FAM107A: variants seen among roughly 807,000 people sequenced by gnomAD.
The protein encoded by FAM107A is actin-associated protein FAM107A.
Under a neutral mutation model 13.7 loss-of-function variants are expected in FAM107A, and 19 were observed. That is an observed-to-expected ratio of 1.38 (90% CI 0.97 to 2.03). The LOEUF is 2.03. Ranked by LOEUF, FAM107A falls within the 30% of genes most tolerant of loss-of-function variation. FAM107A has a pLI of 0.00. For synonymous variants in FAM107A, 82 were observed against 74.5 expected (o/e 1.10, Z -0.52); for missense variants, 203 against 184.4 (o/e 1.10, Z -0.58).
upstream of FAM107A, among the ~76,000 whole-genome samples, chr3:58,590,898 C>T (rs2065649537): frequency 6.6e-6 from 1 of 152,202 alleles, no homozygotes; most frequent in South Asian, 2.1e-4. Flanking sequence ...GTAACTCAGA[C>T]CCTGATTCTG....
At chr3:58,579,112 CG>C (rs973537100), upstream of FAM107A, among the ~76,000 whole-genome samples, 5 of 151,988 alleles carry the variant, frequency 3.3e-5, no homozygotes, top group African/African-American at 1.2e-4. Context: ...GAGGTGAGAG[CG>C]GGTGGTGTTT....
chr3:58,625,179 A>C (rs1246645751), intron 1 of FAM107A, among the ~76,000 whole-genome samples: 1 of 152,154 alleles, frequency 6.6e-6, no homozygotes, highest in East Asian at 1.9e-4. Flanking sequence ...CCTCTTGGCC[A>C]AGGAGACCCC....
intron 1 of FAM107A, among the ~76,000 whole-genome samples, chr3:58,575,740 C>G (rs1216556725): frequency 6.6e-6 from 1 of 152,230 alleles, no homozygotes; most frequent in Non-Finnish European, 1.5e-5. Context: ...AACTTGAGGA[C>G]TCCTAGCCTA....
chr3:58,614,901 G>T (rs966208034), intron 1 of FAM107A, among the ~76,000 whole-genome samples: 1 of 152,170 alleles, frequency 6.6e-6, no homozygotes, highest in African/African-American at 2.4e-5. Context: ...CGCCTCCCGG[G>T]TTCAAGTGAT....
rs143377731 is a variant in FAM107A, at chr3:58,564,483, G to C, written c.*2105C>G. On this transcript the variant is annotated 3_prime_UTR_variant, in exon 4 of 4. Coordinates refer to ENST00000360997, the MANE Select transcript of FAM107A (RefSeq NM_001076778.3). The surrounding 1 kb of genome is among the most constrained non-coding windows in gnomAD (Gnocchi z 5.6). ...CACAGTTGGAGTGGCTGGAGATACA[G>C]AGTTGGGACGACCCCTGAAAAGTGA... is the stretch of plus-strand genomic sequence containing the variant. 1.7e-3 allele frequency: 256 copies of C among 152,374 alleles called. No homozygotes were observed. Among genetic ancestry groups the C allele is most frequent in the Admixed American group, 3.8e-3 (58 of 15,306 alleles). The allele number at this position is 152,374 out of a possible 1,614,324, so 9.4% of individuals were successfully genotyped here. A position where few individuals can be genotyped will look rare whatever the true frequency, so the allele number is the denominator to read the frequency against.
chr3:58,606,591 G>C (rs2065796822), intron 1 of FAM107A, among the ~76,000 whole-genome samples: 1 of 152,218 alleles, frequency 6.6e-6, no homozygotes, highest in African/African-American at 2.4e-5. Context: ...CTGGACGTGT[G>C]AATACAAGAG....
At chr3:58,609,796 C>G (rs921592992) in intron 1 of FAM107A, among the ~76,000 whole-genome samples, 11 of 152,334 alleles carry the variant, frequency 7.2e-5, no homozygotes, top group African/African-American at 2.6e-4. Flanking sequence ...ATGAGGCCAT[C>G]TGTGACCTCT....
intron 1 of FAM107A, among the ~76,000 whole-genome samples, chr3:58,611,625 C>T (rs1424514398): frequency 6.6e-6 from 1 of 152,208 alleles, no homozygotes; most frequent in Non-Finnish European, 1.5e-5. Flanking sequence ...CTGCACTGGG[C>T]AGTGACACCT....
chr3:58,593,464 A>G (rs751086473), intron 1 of FAM107A, among the ~76,000 whole-genome samples: 1 of 152,172 alleles, frequency 6.6e-6, no homozygotes, highest in African/African-American at 2.4e-5. Context: ...CCTCCAAACC[A>G]TCATAACTGA....
Position 58,567,311 on chromosome 3 carries a change from C to T in FAM107A, c.224G>A (p.Arg75Gln), listed in dbSNP as rs755524579. ...PELQRVLEHR[R>Q]RNQLIKKKKE... is the part of the protein sequence containing the mutation. ...CTTCTTCTTGATGAGCTGGTTCCGC[C>T]GGCGGTGCTCTAGGACACGCTGCAG... is the stretch of plus-strand genomic sequence containing the variant. Residue 75 changes from arginine to glutamine, a missense_variant, in exon 3 of 4, where the codon CGG becomes CAG. Physicochemically the swap from Arg to Gln is conservative, Grantham distance 43 (BLOSUM62 1). Coordinates refer to ENST00000360997, the MANE Select transcript of FAM107A (RefSeq NM_001076778.3). The T allele has an allele frequency of 1.4e-5, 22 of 1,612,776 alleles. No individual in the cohort carries two copies. Among genetic ancestry groups the T allele is most frequent in the Admixed American group, 3.3e-5 (2 of 59,942 alleles).
chr3:58,583,512 C>T lies in FAM107A; in HGVS notation c.79+3346G>A, dbSNP rs1032827086. ...TGGCGGGAGCCTGTAATTCCAGCTA[C>T]TCAGGAGGCTGAGGCAGGAGAGTTG... On this transcript the variant is annotated intron_variant, in intron 1 of 3. Coordinates refer to the FAM107A transcript ENST00000447756. Among the ~76,000 whole-genome samples, 8 of 151,950 alleles carry T rather than the reference C, an allele frequency of 5.3e-5. No homozygotes were observed. In the East Asian group the frequency reaches 9.7e-4, roughly 18 times the overall value.
chr3:58,596,673 G>A (rs10866023), intron 1 of FAM107A, among the ~76,000 whole-genome samples: 67 of 143,678 alleles, frequency 4.7e-4, no homozygotes, highest in African/African-American at 1.7e-3. Context: ...AGCCAGACTC[G>A]GTCTCAAAAA....
At chr3:58,614,804 C>T (rs1267986416) in intron 1 of FAM107A, among the ~76,000 whole-genome samples, 3 of 151,302 alleles carry the variant, frequency 2.0e-5, no homozygotes, top group South Asian at 2.1e-4. Context: ...CGCACCAGGA[C>T]GATTCAATTT....
At chr3:58,611,231 T>A (rs1200581295) in intron 1 of FAM107A, among the ~76,000 whole-genome samples, 3 of 151,590 alleles carry the variant, frequency 2.0e-5, no homozygotes, top group Non-Finnish European at 4.4e-5. Context: ...CATAGCAGCA[T>A]GAGAATGAAC....
At chr3:58,570,236 G>T in intron 1 of FAM107A, 2 of 363,304 alleles carry the variant, frequency 5.5e-6, no homozygotes, top group South Asian at 1.1e-4. Context: ...CAATGAGCTT[G>T]TAACAGAAAA....
upstream of FAM107A, among the ~76,000 whole-genome samples, chr3:58,591,665 A>T (rs138483645): frequency 8.5e-4 from 129 of 152,266 alleles, no homozygotes; most frequent in East Asian, 0.022. This position sits in a 1 kb window ranked among gnomAD's most constrained non-coding sequence, Gnocchi z 4.3. Context: ...CAGAAATGCT[A>T]CTTCCTCAGG....
At chr3:58,589,875 T>C (rs1265992997), upstream of FAM107A, among the ~76,000 whole-genome samples, 1 of 152,182 alleles carries the variant, frequency 6.6e-6, no homozygotes, top group Non-Finnish European at 1.5e-5. Flanking sequence ...CTGAGGCCCA[T>C]ATTCTTTTAG....
At chr3:58,587,143 C>T (rs1332309459), upstream of FAM107A, 8 of 1,345,202 alleles carry the variant, frequency 5.9e-6, no homozygotes, top group Non-Finnish European at 7.6e-6. Context: ...GGCAGGTGTC[C>T]GCGCCCAGGT....
chr3:58,571,127 A>G (rs1183029114), intron 1 of FAM107A, among the ~76,000 whole-genome samples: 1 of 152,214 alleles, frequency 6.6e-6, no homozygotes, highest in Non-Finnish European at 1.5e-5. Context: ...GGGTCAGAAA[A>G]TACAGAGAGG....
Sources: gnomAD v4.1 joint callset for allele counts (sites outside exome capture counted in the v4.1 genomes callset) on GRCh38, gnomAD v4.1.1 for gene constraint, Gnocchi (gnomAD v3.1) non-coding constraint, MANE v1.5 for transcripts, NCBI Gene and HGNC (gene_info 2026-07-23, HGNC 2026-07-21) for gene names.